The following MMADHC variants were observed in gnomAD, a reference collection of about 807,000 sequenced individuals.
MMADHC encodes the protein cobalamin trafficking protein CblD.
In MMADHC, 23 loss-of-function variants were observed where a neutral mutation model predicts 36.3. The ratio of observed to expected loss-of-function variants is 0.63; its 90% CI spans 0.46 to 0.90. The LOEUF (loss-of-function observed/expected upper bound fraction) is 0.90. MMADHC is among the 40% of genes least tolerant of loss of function. The pLI is 0.00. For missense variants in MMADHC, 330 were observed against 348.0 expected, an observed-to-expected ratio of 0.95 and a Z score of 0.41; for synonymous variants, 97 against 116.1, an observed-to-expected ratio of 0.84 and a Z score of 1.06.
chr2:149,575,643 A>G, intron 6 of MMADHC, 68 bp downstream of exon 6: 1 of 1,311,238 alleles, frequency 7.6e-7, no homozygotes, highest in Non-Finnish European at 1.1e-6. Flanking sequence ...TCATCATTTT[A>G]AGACATTGGT....
intron 2 of MMADHC, among the ~76,000 whole-genome samples, chr2:149,586,216 G>A (rs1682866601): frequency 1.3e-5 from 2 of 152,142 alleles, no homozygotes; most frequent in African/African-American, 2.4e-5. Flanking sequence ...TTTAAAGAAT[G>A]AAGTCTAAAT....
chr2:149,579,969 C>T (rs548672250), intron 3 of MMADHC, among the ~76,000 whole-genome samples: 53 of 152,200 alleles, frequency 3.5e-4, no homozygotes, highest in Admixed American at 4.6e-4. Context: ...GGATACAATG[C>T]GTTAAAAGAA....
chr2:149,571,281 A>T, intron 6 of MMADHC, 110 bp from the exon 7 acceptor site: 1 of 615,972 alleles, frequency 1.6e-6, no homozygotes, highest in Non-Finnish European at 2.6e-6. Flanking sequence ...ACTCAAGATT[A>T]ATAAAAAAAT....
chr2:149,571,180 G>A lies in MMADHC; in HGVS notation c.610-9C>T, dbSNP rs769894198. 6.3e-7 allele frequency: 1 copy of A among 1,580,098 alleles called. No individual in the cohort carries two copies. The highest frequency in any genetic ancestry group is 8.7e-7 in the Non-Finnish European group (1 of 1,153,384). ...TTAGCACCATTGATGAACTGCAATG[G>A]AAGTCACAAATAATATGCTTAAGAT... On this transcript the variant is annotated splice_polypyrimidine_tract_variant and intron_variant, in intron 6 of 7. Transcript: ENST00000303319.
Position 149,570,161 on chromosome 2 carries a change from C to A in MMADHC, c.704G>T (p.Gly235Val). The A allele has an allele frequency of 6.2e-7, 1 of 1,612,586 alleles. No homozygotes were observed. Among genetic ancestry groups the A allele is most frequent in the South Asian group, 1.1e-5 (1 of 90,942 alleles). The change falls in exon 8 of 8, where the codon GGA becomes GTA. Residue 235 changes from glycine to valine, a missense_variant. Transcript: ENST00000303319. ...IDPSSGLAFF[G>V]PYTNNTLFET... ...AAAAAGAGTGTTGTTTGTATATGGT[C>A]CAAAAAACTGAGGAAATAAAAACGA...
Position 149,575,954 on chromosome 2 carries a change from TG to T in MMADHC, c.479-114del. On this transcript the variant is annotated intron_variant, in intron 5 of 7. Transcript: ENST00000303319. ...AAAAATGCTGATTAAGTAAAATTAC[TG>T]TGGTATTAGTTAATTTTTATAAATG... The T allele has an allele frequency of 4.8e-6, 4 of 837,792 alleles. 1 individual carries two copies. Among genetic ancestry groups the T allele is most frequent in the Non-Finnish European group, 7.4e-6 (4 of 538,482 alleles). 51.9% of individuals were successfully genotyped at this position (837,792 alleles called of 1,614,324 possible). A position where few individuals can be genotyped will look rare whatever the true frequency, so the allele number is the denominator to read the frequency against.
chr2:149,571,524 T>C (rs1229032467), intron 6 of MMADHC, among the ~76,000 whole-genome samples: 3 of 152,074 alleles, frequency 2.0e-5, no homozygotes, highest in African/African-American at 7.2e-5. Flanking sequence ...ATAACAGAAA[T>C]AGGTAAAATA....
At chr2:149,579,974 A>G (rs1682773213) in intron 3 of MMADHC, among the ~76,000 whole-genome samples, 1 of 152,224 alleles carries the variant, frequency 6.6e-6, no homozygotes, top group South Asian at 2.1e-4. Flanking sequence ...CAATGCGTTA[A>G]AAGAAAAAGC....
chr2:149,573,833 C>T (rs1039611568), intron 6 of MMADHC, among the ~76,000 whole-genome samples: 4 of 150,798 alleles, frequency 2.7e-5, no homozygotes, highest in African/African-American at 9.7e-5. Flanking sequence ...GAAATGCGAT[C>T]AAATGTTTAC....
chr2:149,582,950 G>T (rs186725946), intron 2 of MMADHC, among the ~76,000 whole-genome samples: 1 of 152,132 alleles, frequency 6.6e-6, no homozygotes. Flanking sequence ...ATTGGCGAAC[G>T]ATTTCCCAAT....
rs1294350745 is a variant in MMADHC, at chr2:149,576,523, T to C, written c.392A>G (p.Glu131Gly). The change falls in exon 5 of 8, where the codon GAA becomes GGA. Residue 131 changes from glutamate to glycine, a missense_variant. Coordinates refer to ENST00000303319, the MANE Select transcript of MMADHC (RefSeq NM_015702.3). ...NEFQGNDAPV[E>G]QEINSAETYF... ...AGTTTCTGCACTGTTAATTTCTTGT[T>C]CAACAGGTGCATCATTACCCTAAGG... The C allele has an allele frequency of 4.3e-6, 7 of 1,613,126 alleles. No homozygotes were observed. Among genetic ancestry groups the C allele is most frequent in the Non-Finnish European group, 5.9e-6 (7 of 1,179,150 alleles).
rs756095776 is a variant in MMADHC at position 149,570,050 on chromosome 2, G to T, written c.815C>A (p.Thr272Asn). The T allele has an allele frequency of 3.7e-6, 6 of 1,613,562 alleles. No homozygotes were observed. In the South Asian group the frequency reaches 5.5e-5, roughly 15 times the overall value. ...CKVIRHSLWG[T>N]HVVVGSIFTN... The stretch of plus-strand genomic sequence containing the variant: ...GAAGATACTCCCTACAACTACATGG[G>T]TACCCCAGAGACTATGACGAATCAC... The change falls in exon 8 of 8, where the codon ACC (threonine) becomes AAC (asparagine). Residue 272 changes from threonine to asparagine, a missense_variant. Physicochemically the swap from Thr to Asn is moderately conservative, Grantham distance 65. Coordinates refer to ENST00000303319, the MANE Select transcript of MMADHC (RefSeq NM_015702.3).
intron 2 of MMADHC, among the ~76,000 whole-genome samples, chr2:149,586,704 G>A (rs1234513846): frequency 6.6e-6 from 1 of 151,654 alleles, no homozygotes; most frequent in East Asian, 1.9e-4. Context: ...GGATTTAGAA[G>A]GTCACTTCCA....
intron 4 of MMADHC, among the ~76,000 whole-genome samples, chr2:149,578,572 T>A (rs1682749045): frequency 6.6e-6 from 1 of 152,130 alleles, no homozygotes; most frequent in Non-Finnish European, 1.5e-5. Flanking sequence ...AGGGATTAAG[T>A]GACCAAGGGG....
intron 3 of MMADHC, among the ~76,000 whole-genome samples, 168 bp downstream of exon 3, chr2:149,581,959 T>G (rs976681609): frequency 2.6e-5 from 4 of 152,244 alleles, no homozygotes; most frequent in African/African-American, 9.6e-5. Flanking sequence ...TTTTCAATAC[T>G]GTAGCTTTCT....
chr2:149,570,252 C>T, intron 7 of MMADHC, 84 bp from the exon 8 acceptor site: 3 of 1,099,204 alleles, frequency 2.7e-6, no homozygotes, highest in Non-Finnish European at 4.1e-6. Flanking sequence ...CACCTATCTA[C>T]TTTAATACTC....
chr2:149,579,188 TA>T (rs1384969952), intron 4 of MMADHC, among the ~76,000 whole-genome samples: 7 of 152,108 alleles, frequency 4.6e-5, no homozygotes, highest in African/African-American at 1.7e-4. Context: ...AGTAGTTACT[TA>T]AAAACATACT....
At chr2:149,579,790 T>C (rs1402408121) in intron 3 of MMADHC, 142 bp from the exon 4 acceptor site, 2 of 755,236 alleles carry the variant, frequency 2.6e-6, no homozygotes, top group Non-Finnish European at 4.3e-6. Context: ...TATAAATAGT[T>C]TCCTATTGTT....
intron 3 of MMADHC, among the ~76,000 whole-genome samples, chr2:149,580,481 C>G (rs1300399243): frequency 2.6e-5 from 4 of 151,712 alleles, no homozygotes; most frequent in Admixed American, 2.6e-4. Flanking sequence ...TAAAAAAAAT[C>G]CTAACTTATA....
Sources: gnomAD v4.1 joint callset for allele counts (sites outside exome capture counted in the v4.1 genomes callset) on GRCh38, gnomAD v4.1.1 for gene constraint, MANE v1.5 for transcripts, NCBI Gene and HGNC (gene_info 2026-07-23, HGNC 2026-07-21) for gene names.